PTPRM: variants seen among roughly 807,000 people sequenced by gnomAD.
PTPRM encodes the protein protein tyrosine phosphatase receptor type M.
In PTPRM, 47 loss-of-function variants were observed where a neutral mutation model predicts 186.7. That is an observed-to-expected ratio of 0.25 (90% CI 0.20 to 0.32). The LOEUF is 0.32. Ranked by LOEUF, PTPRM falls within the 10% of genes least tolerant of loss-of-function variation. The pLI, the probability that PTPRM is intolerant of heterozygous loss-of-function variation, is 1.00. For missense variants in PTPRM, 1,494 were observed against 1,865.0 expected (o/e 0.80, Z 3.66); for synonymous variants, 668 against 674.9 (o/e 0.99, Z 0.16).
At chr18:8,358,506 G>A (rs1176936788) in intron 23 of PTPRM, among the ~76,000 whole-genome samples, 2 of 152,142 alleles carry the variant, frequency 1.3e-5, no homozygotes, top group South Asian at 4.1e-4. Context: ...GCCAGTGTTA[G>A]AAACCTTAAC....
chr18:7,815,498 A>G (rs1238872339), intron 2 of PTPRM: 4 of 152,114 alleles, frequency 2.6e-5, no homozygotes, highest in African/African-American at 9.7e-5. Context: ...ATTTTTCCTC[A>G]TAGAGATGTC....
At chr18:7,737,458 G>T (rs902559509) in intron 1 of PTPRM, among the ~76,000 whole-genome samples, 2 of 152,176 alleles carry the variant, frequency 1.3e-5, no homozygotes, top group African/African-American at 4.8e-5. Flanking sequence ...TTTGAAACCC[G>T]TATGTAATCT....
intron 14 of PTPRM, among the ~76,000 whole-genome samples, chr18:8,162,029 G>A (rs2093239294): frequency 6.6e-6 from 1 of 152,030 alleles, no homozygotes; most frequent in Non-Finnish European, 1.5e-5. Flanking sequence ...GACTCTTGTT[G>A]AGCCTCAGAT....
intron 15 of PTPRM, 21 bp from the exon 16 acceptor site, chr18:8,247,824 C>A (rs763665983): frequency 6.5e-5 from 101 of 1,554,570 alleles, no homozygotes; most frequent in Non-Finnish European, 8.3e-5. Context: ...TGCCCCTGAC[C>A]AGCCTCTCTT....
chr18:7,976,579 C>T (rs972857872), intron 7 of PTPRM, among the ~76,000 whole-genome samples: 3 of 151,790 alleles, frequency 2.0e-5, no homozygotes, highest in Admixed American at 6.6e-5. Flanking sequence ...TTGCTGTTAA[C>T]GTAAAACTAT....
chr18:8,354,708 C>T (rs2095554464), intron 23 of PTPRM, among the ~76,000 whole-genome samples: 1 of 152,208 alleles, frequency 6.6e-6, no homozygotes, highest in Non-Finnish European at 1.5e-5. Flanking sequence ...AGCCCATGCT[C>T]TCTCCCCATT....
chr18:7,975,131 G>A (rs1204649937), intron 7 of PTPRM, among the ~76,000 whole-genome samples: 1 of 152,218 alleles, frequency 6.6e-6, no homozygotes, highest in East Asian at 1.9e-4. Context: ...CTGGGAGGAT[G>A]TGGAGCAACA....
chr18:7,608,477 T>C (rs1231556213), intron 1 of PTPRM, among the ~76,000 whole-genome samples: 1 of 152,234 alleles, frequency 6.6e-6, no homozygotes, highest in East Asian at 1.9e-4. Flanking sequence ...TTCTTTCCTT[T>C]GAAGCTCTAC....
chr18:8,088,163 A>C (rs2090527785), intron 10 of PTPRM, among the ~76,000 whole-genome samples: 1 of 152,024 alleles, frequency 6.6e-6, no homozygotes, highest in African/African-American at 2.4e-5. Flanking sequence ...AAAAAGTCAA[A>C]CCCAAGCCTT....
intron 1 of PTPRM, among the ~76,000 whole-genome samples, chr18:7,580,128 A>T (rs573057688): frequency 1.3e-5 from 2 of 152,210 alleles, no homozygotes; most frequent in African/African-American, 4.8e-5. Context: ...CATTTGATTC[A>T]AGGATCTCTC....
At chr18:8,227,636 G>A (rs528305893) in intron 14 of PTPRM, among the ~76,000 whole-genome samples, 3 of 152,194 alleles carry the variant, frequency 2.0e-5, no homozygotes, top group Non-Finnish European at 2.9e-5. Context: ...ATTTTTTAGC[G>A]AGTTTAACAA....
intron 20 of PTPRM, among the ~76,000 whole-genome samples, chr18:8,308,865 C>T (rs533586118): frequency 6.6e-6 from 1 of 152,332 alleles, no homozygotes; most frequent in East Asian, 1.9e-4. Context: ...TTCATGTGCT[C>T]AGTAACTAGT....
rs80239981 is a variant in PTPRM, at chr18:7,982,951, C to T, written c.1132+27537C>T. Among the ~76,000 whole-genome samples the T allele has an allele frequency of 8.0e-3, 1,224 of 152,194 alleles. 5 individuals are homozygous for T. The highest frequency in any genetic ancestry group is 0.013 in the Non-Finnish European group (892 of 67,992). ...TCATGACTCAGGGCCCTGACCAGGC[C>T]CTCCTGATAGCTCCTATTTGGCACT... On this transcript the variant is annotated intron_variant, in intron 7 of 32. Transcript: ENST00000580170.
chr18:7,640,654 T>TG (rs1598600450), intron 1 of PTPRM, among the ~76,000 whole-genome samples: 1 of 151,818 alleles, frequency 6.6e-6, no homozygotes, highest in Non-Finnish European at 1.5e-5. Flanking sequence ...ACTAGAACCA[T>TG]GGGGAAAGGG....
intron 1 of PTPRM, among the ~76,000 whole-genome samples, chr18:7,619,783 G>C (rs1245274337): frequency 6.6e-6 from 1 of 152,184 alleles, no homozygotes; most frequent in Admixed American, 6.5e-5. Flanking sequence ...GCATAGAGTA[G>C]ATAGCAGTTC....
chr18:7,735,768 G>C (rs1829557652), intron 1 of PTPRM, among the ~76,000 whole-genome samples: 1 of 151,990 alleles, frequency 6.6e-6, no homozygotes, highest in Non-Finnish European at 1.5e-5. Context: ...TCTGAAGCCT[G>C]CTACTGGGAG....
chr18:8,244,279 G>T, intron 15 of PTPRM, 70 bp downstream of exon 15: 32 of 1,122,062 alleles, frequency 2.9e-5, no homozygotes, highest in Non-Finnish European at 2.5e-5. Context: ...GGTACTAGGG[G>T]ATTTCAAAAA....
intron 5 of PTPRM, among the ~76,000 whole-genome samples, chr18:7,948,596 T>TA (rs372696584): frequency 1.3e-5 from 2 of 152,342 alleles, no homozygotes; most frequent in African/African-American, 4.8e-5. Flanking sequence ...CCTCTCTTGT[T>TA]ACGTATGAAT....
chr18:7,884,374 G>A (rs921302308), intron 2 of PTPRM, among the ~76,000 whole-genome samples: 2 of 152,074 alleles, frequency 1.3e-5, no homozygotes, highest in South Asian at 4.1e-4. Context: ...GTACCGCAGG[G>A]GAAGGTGCTT....
Sources: allele counts gnomAD v4.1 joint callset (sites outside exome capture counted in the v4.1 genomes callset), GRCh38; gene constraint gnomAD v4.1.1; transcripts MANE v1.5; gene names NCBI Gene and HGNC (gene_info 2026-07-23, HGNC 2026-07-21).